TMPRSS15: variants seen among roughly 807,000 people sequenced by gnomAD.
TMPRSS15 encodes enteropeptidase.
In TMPRSS15, 128 loss-of-function variants were observed where a neutral mutation model predicts 125.3. The observed-to-expected ratio is 1.02, with a 90% CI of 0.89 to 1.18. The LOEUF is 1.18. Among genes scored for constraint, TMPRSS15 ranks in the 50% most tolerant of loss-of-function variants. The pLI is 0.00. For missense variants in TMPRSS15, 1,283 were observed against 1,212.7 expected, an observed-to-expected ratio of 1.06 and a Z score of -0.86; for synonymous variants, 446 against 423.2, an observed-to-expected ratio of 1.05 and a Z score of -0.66.
chr21:18,417,521 C>T (rs9305866), intron 1 of TMPRSS15, among the ~76,000 whole-genome samples: 96,985 of 151,934 alleles, frequency 0.64, 31,399 homozygotes, highest in Middle Eastern at 0.75. Context: ...AAAGAAGATA[C>T]GTTTTGAAAC....
At chr21:18,320,674 A>C (rs2075224357) in intron 16 of TMPRSS15, among the ~76,000 whole-genome samples, 1 of 152,214 alleles carries the variant, frequency 6.6e-6, no homozygotes, top group Non-Finnish European at 1.5e-5. Flanking sequence ...AAAAATGCTG[A>C]ATGGGGAAAA....
At chr21:18,298,545 A>T (rs1224630429) in intron 18 of TMPRSS15, among the ~76,000 whole-genome samples, 2 of 152,196 alleles carry the variant, frequency 1.3e-5, no homozygotes, top group Non-Finnish European at 2.9e-5. Flanking sequence ...CATGCTCTCA[A>T]CTGTGAGCTC....
intron 1 of TMPRSS15, among the ~76,000 whole-genome samples, chr21:18,427,500 TAA>T (rs1361488868): frequency 1.3e-5 from 2 of 152,194 alleles, no homozygotes; most frequent in African/African-American, 2.4e-5. Context: ...GCTTTGTGAA[TAA>T]AAAGCTATTT....
rs182355832 is a variant in TMPRSS15, at chr21:18,338,811, G to A, written c.1564+2602C>T. 2.0e-4 allele frequency among the ~76,000 whole-genome samples: 31 copies of A among 152,204 alleles called. 1 individual carries two copies. Among genetic ancestry groups the A allele is most frequent in the Admixed American group, 1.8e-3 (27 of 15,284 alleles). ...CCAATTATTGTGATGTTAGGAATCA[G>A]TCATACACTGGTAAAGCAAAGGTAA... On this transcript the variant is annotated intron_variant, in intron 13 of 24. Transcript: ENST00000284885.
intron 17 of TMPRSS15, 149 bp downstream of exon 17, chr21:18,314,997 G>T (rs1030796480): frequency 4.3e-6 from 3 of 704,140 alleles, no homozygotes; most frequent in Non-Finnish European, 7.6e-6. Context: ...GGGGACAGAG[G>T]TGCTAAAATC....
chr21:18,375,898 T>C (rs2075836902), intron 5 of TMPRSS15, among the ~76,000 whole-genome samples: 1 of 152,162 alleles, frequency 6.6e-6, no homozygotes, highest in Non-Finnish European at 1.5e-5. Flanking sequence ...CTAAAATCCA[T>C]TATTTTTCGC....
rs761910262 is a variant in TMPRSS15, at chr21:18,329,222, A to AT, written c.1726dup (p.Ile576AsnfsTer2). The AT allele has an allele frequency of 1.2e-6, 2 of 1,612,772 alleles. No individual in the cohort carries two copies. Among genetic ancestry groups the AT allele is most frequent in the Non-Finnish European group, 1.7e-6 (2 of 1,179,112 alleles). ...ATCTCTTATTTCAACTACATCGTTAATATTTTCTAAGTCAAATTCTTGAAA... is the reference window on the plus strand; with the variant it reads ...ATCTCTTATTTCAACTACATCGTTAATTATTTTCTAAGTCAAATTCTTGAAA... On this transcript the variant is annotated frameshift_variant, in exon 15 of 25. Coordinates refer to ENST00000284885, the MANE Select transcript of TMPRSS15 (RefSeq NM_002772.3). LOFTEE classifies it high-confidence loss of function.
intron 7 of TMPRSS15, among the ~76,000 whole-genome samples, chr21:18,360,536 T>C (rs2075670414): frequency 6.6e-6 from 1 of 152,136 alleles, no homozygotes. Context: ...CGATATCATT[T>C]GTGGAAAAAG....
chr21:18,338,546 T>C (rs1177451612), intron 13 of TMPRSS15, among the ~76,000 whole-genome samples: 1 of 152,162 alleles, frequency 6.6e-6, no homozygotes, highest in Non-Finnish European at 1.5e-5. Context: ...GACAATTATT[T>C]TTAAACAATG....
intron 1 of TMPRSS15, among the ~76,000 whole-genome samples, chr21:18,421,698 C>T (rs886974333): frequency 1.3e-5 from 2 of 152,140 alleles, no homozygotes; most frequent in Non-Finnish European, 2.9e-5. Context: ...GAATGCTCTT[C>T]TCCTTAATCT....
intron 21 of TMPRSS15, among the ~76,000 whole-genome samples, chr21:18,290,289 A>G (rs1324136014): frequency 6.6e-6 from 1 of 152,228 alleles, no homozygotes; most frequent in East Asian, 1.9e-4. Context: ...ACACAACATC[A>G]GTAGCCATAA....
chr21:18,416,468 G>T (rs1382021612), intron 1 of TMPRSS15, among the ~76,000 whole-genome samples: 1 of 151,962 alleles, frequency 6.6e-6, no homozygotes. Context: ...TTGAACAGTA[G>T]AAATTTGTAG....
At chr21:18,303,764 A>T (rs2075000331) in intron 18 of TMPRSS15, among the ~76,000 whole-genome samples, 1 of 152,174 alleles carries the variant, frequency 6.6e-6, no homozygotes, top group Admixed American at 6.5e-5. Flanking sequence ...AACATAAAAG[A>T]TGTTCTCCCT....
intron 10 of TMPRSS15, among the ~76,000 whole-genome samples, chr21:18,345,740 CAAAAAAAAA>C (rs1235619873): frequency 1.3e-4 from 2 of 15,556 alleles, no homozygotes; most frequent in Admixed American, 1.2e-3. Context: ...GACTCCGTCT[CAAAAAAAAA>C]AAAAAAAAAA....
At chr21:18,462,819 T>C (rs1390085112) in intron 1 of TMPRSS15, among the ~76,000 whole-genome samples, 1 of 151,922 alleles carries the variant, frequency 6.6e-6, no homozygotes, top group Non-Finnish European at 1.5e-5. Flanking sequence ...AAAGGTCAGG[T>C]TACCCACAAA....
intron 21 of TMPRSS15, among the ~76,000 whole-genome samples, chr21:18,290,837 GA>G (rs3838063): frequency 0.8 from 122,208 of 151,968 alleles, 49,359 homozygotes; most frequent in Non-Finnish European, 0.83. Flanking sequence ...AAATTGTTCA[GA>G]AAAAAAAGTC....
intron 10 of TMPRSS15, among the ~76,000 whole-genome samples, chr21:18,351,490 G>A (rs770642730): frequency 6.6e-5 from 10 of 152,026 alleles, no homozygotes; most frequent in Admixed American, 1.3e-4. Context: ...TTTCAATGCC[G>A]TTCTCATAAT....
chr21:18,450,278 A>T (rs1029723685), intron 1 of TMPRSS15, among the ~76,000 whole-genome samples: 2 of 151,466 alleles, frequency 1.3e-5, no homozygotes, highest in Admixed American at 1.3e-4. Flanking sequence ...TTTTTTTTCT[A>T]GCATATATTT....
chr21:18,420,104 C>T (rs574770622), intron 1 of TMPRSS15, among the ~76,000 whole-genome samples: 1 of 152,184 alleles, frequency 6.6e-6, no homozygotes, highest in Non-Finnish European at 1.5e-5. Context: ...GCTGTAATTT[C>T]CTCAGCACTA....
Sources: gnomAD v4.1 joint callset for allele counts (sites outside exome capture counted in the v4.1 genomes callset) on GRCh38, gnomAD v4.1.1 for gene constraint, MANE v1.5 for transcripts, NCBI Gene and HGNC (gene_info 2026-07-23, HGNC 2026-07-21) for gene names.